The following TMEM230 variants were observed in gnomAD, a reference collection of about 807,000 sequenced individuals.
TMEM230 encodes transmembrane protein 230.
A neutral mutation model predicts 15.8 loss-of-function variants in TMEM230; 10 were observed. That is an observed-to-expected ratio of 0.63 (90% CI 0.39 to 1.07). The LOEUF (loss-of-function observed/expected upper bound fraction) is 1.07, where lower values mean the gene tolerates loss of function less well. Among genes scored for constraint, TMEM230 ranks in the 50% least tolerant of loss-of-function variants. TMEM230 has a pLI of 0.01. For missense variants in TMEM230, 165 were observed against 193.3 expected, an observed-to-expected ratio of 0.85 and a Z score of 0.87; for synonymous variants, 67 against 76.9, an observed-to-expected ratio of 0.87 and a Z score of 0.68.
downstream of TMEM230, among the ~76,000 whole-genome samples, chr20:5,096,655 C>T (rs545359492): frequency 6.6e-5 from 10 of 152,302 alleles, 2 homozygotes; most frequent in South Asian, 1.9e-3. Flanking sequence ...GGGTGCCAGG[C>T]AGAGGCATGA....
At chr20:5,103,329 T>C (rs2089945063) in intron 4 of TMEM230, among the ~76,000 whole-genome samples, 1 of 151,900 alleles carries the variant, frequency 6.6e-6, no homozygotes, top group Admixed American at 6.6e-5. Flanking sequence ...CTAGGTATGG[T>C]GACTCACACC....
downstream of TMEM230, among the ~76,000 whole-genome samples, chr20:5,096,860 T>C (rs1320633821): frequency 3.3e-5 from 5 of 152,364 alleles, no homozygotes; most frequent in Non-Finnish European, 7.3e-5. Flanking sequence ...CCACAAGCAC[T>C]GTGCTAGGCT....
chr20:5,093,992 C>T (rs564485681), intron 3 of TMEM230, among the ~76,000 whole-genome samples: 325 of 151,810 alleles, frequency 2.1e-3, no homozygotes, highest in Non-Finnish European at 3.6e-3. Flanking sequence ...CTCGCTCTGT[C>T]GCCCAGGCTG....
At chr20:5,112,770 A>G (rs1568513794) in intron 1 of TMEM230, 191 bp downstream of exon 1, 2 of 1,475,620 alleles carry the variant, frequency 1.4e-6, no homozygotes, top group Non-Finnish European at 1.8e-6. Context: ...CAGGGAGAGA[A>G]ATAAGAACCG....
intron 4 of TMEM230, among the ~76,000 whole-genome samples, chr20:5,103,504 GA>G (rs1224932604): frequency 2.7e-5 from 4 of 148,944 alleles, no homozygotes; most frequent in Non-Finnish European, 6.0e-5. Context: ...TACAAAAAAT[GA>G]AAAAAAAATT....
chr20:5,082,675 C>G (rs1278666244), intron 3 of TMEM230, among the ~76,000 whole-genome samples: 1 of 152,028 alleles, frequency 6.6e-6, no homozygotes, highest in Non-Finnish European at 1.5e-5. Flanking sequence ...ACTCCTGACT[C>G]TCAAGTGATC....
chr20:5,069,150 C>T lies in TMEM230; in HGVS notation c.*38G>A, dbSNP rs538719374. 51 of 1,472,324 alleles carry T rather than the reference C, an allele frequency of 3.5e-5. No individual in the cohort carries two copies. The Admixed American group carries it at 9.0e-4, about 26-fold the overall frequency. 91.2% of individuals were successfully genotyped at this position (1,472,324 alleles called of 1,614,324 possible). A position where few individuals can be genotyped will look rare whatever the true frequency, so the allele number is the denominator to read the frequency against. On this transcript the variant is annotated 3_prime_UTR_variant, in exon 4 of 4. Coordinates refer to the TMEM230 transcript ENST00000612323. ...ATTCCTAGGACATTTTCAGTTTAGC[C>T]CTTTTAAGATGCTTATCTCAAATTA...
chr20:5,084,368 C>G (rs1333577869), intron 3 of TMEM230, among the ~76,000 whole-genome samples: 1 of 151,332 alleles, frequency 6.6e-6, no homozygotes, highest in East Asian at 1.9e-4. Context: ...GGACTACAGG[C>G]GTACGCCACC....
intron 4 of TMEM230, among the ~76,000 whole-genome samples, chr20:5,101,263 G>A (rs2089850194): frequency 1.3e-5 from 2 of 152,146 alleles, no homozygotes; most frequent in South Asian, 2.1e-4. Context: ...CTGTAAGGAT[G>A]TGTAACATTC....
downstream of TMEM230, among the ~76,000 whole-genome samples, chr20:5,094,976 T>A (rs754146911): frequency 3.3e-5 from 5 of 152,130 alleles, no homozygotes; most frequent in African/African-American, 7.2e-5. Context: ...GGGCACTGCT[T>A]TTCTTCAACT....
intron 3 of TMEM230, among the ~76,000 whole-genome samples, chr20:5,071,092 C>G (rs2088807986): frequency 6.6e-6 from 1 of 152,122 alleles, no homozygotes; most frequent in Admixed American, 6.6e-5. Context: ...ACTCAATACT[C>G]AAGAGTCAGC....
At chr20:5,099,118 G>C (rs1352883308), downstream of TMEM230, among the ~76,000 whole-genome samples, 1 of 151,754 alleles carries the variant, frequency 6.6e-6, no homozygotes, top group African/African-American at 2.4e-5. Context: ...TTGAGCCCAG[G>C]AATTCAAGGC....
At chr20:5,073,706 A>G (rs1438681118) in intron 3 of TMEM230, among the ~76,000 whole-genome samples, 1 of 152,224 alleles carries the variant, frequency 6.6e-6, no homozygotes, top group African/African-American at 2.4e-5. Flanking sequence ...TTTCACTCTT[A>G]GACTGTCCTC....
chr20:5,079,385 T>G (rs1356005511), intron 3 of TMEM230, among the ~76,000 whole-genome samples: 1 of 152,258 alleles, frequency 6.6e-6, no homozygotes, highest in East Asian at 1.9e-4. Flanking sequence ...TAGATAGATT[T>G]CAGAACCACT....
chr20:5,113,044 A>G lies in TMEM230; in HGVS notation c.-16T>C. On this transcript the variant is annotated 5_prime_UTR_variant, in exon 1 of 5. Transcript: ENST00000342308. ...AAGGTTGCATGGCATGGCCCGCTTA[A>G]GTGCCACTCAGCCGGCCCCAGGCGG... is the stretch of plus-strand genomic sequence containing the variant. 6.5e-7 allele frequency: 1 copy of G among 1,544,418 alleles called. No homozygotes were observed. Among genetic ancestry groups the G allele is most frequent in the Non-Finnish European group, 8.7e-7 (1 of 1,146,408 alleles).
downstream of TMEM230, among the ~76,000 whole-genome samples, chr20:5,096,249 C>G (rs982244818): frequency 6.6e-6 from 1 of 152,246 alleles, no homozygotes; most frequent in African/African-American, 2.4e-5. Context: ...AGCAGTGATC[C>G]TCTTTACTTT....
chr20:5,092,715 C>CAAAA (rs749828640), intron 3 of TMEM230, among the ~76,000 whole-genome samples: 1 of 53,032 alleles, frequency 1.9e-5, no homozygotes. Flanking sequence ...AACTCCGTCT[C>CAAAA]AAAAAAAAAA....
intron 3 of TMEM230, among the ~76,000 whole-genome samples, chr20:5,070,584 T>G (rs541046569): frequency 1.5e-4 from 23 of 152,306 alleles, no homozygotes; most frequent in Admixed American, 1.5e-3. Context: ...ATATTCCTGA[T>G]CCAGATGCGC....
chr20:5,111,880 T>C, intron 1 of TMEM230: 1 of 717,328 alleles, frequency 1.4e-6, no homozygotes, highest in Non-Finnish European at 1.7e-6. Context: ...GGAGTCTCGC[T>C]CTGTCACCCA....
Sources: allele counts gnomAD v4.1 joint callset (sites outside exome capture counted in the v4.1 genomes callset), GRCh38; gene constraint gnomAD v4.1.1; transcripts MANE v1.5; gene names NCBI Gene and HGNC (gene_info 2026-07-23, HGNC 2026-07-21).